Variants in PTPRM observed in about 807,000 individuals in gnomAD.
PTPRM encodes the protein protein tyrosine phosphatase receptor type M, also known as receptor-type tyrosine-protein phosphatase mu.
Under a neutral mutation model 186.7 loss-of-function variants are expected in PTPRM, and 47 were observed. The ratio of observed to expected loss-of-function variants is 0.25; its 90% CI spans 0.20 to 0.32. PTPRM has a LOEUF of 0.32. PTPRM is among the 10% of genes least tolerant of loss of function. PTPRM has a pLI of 1.00. For synonymous variants in PTPRM, 668 were observed against 674.9 expected, an observed-to-expected ratio of 0.99 and a Z score of 0.16; for missense variants, 1,494 against 1,865.0, an observed-to-expected ratio of 0.80 and a Z score of 3.66.
intron 1 of PTPRM, among the ~76,000 whole-genome samples, chr18:7,710,598 G>A (rs2040191210): frequency 6.6e-6 from 1 of 152,180 alleles, no homozygotes; most frequent in Non-Finnish European, 1.5e-5. Flanking sequence ...AAAAGAGGAA[G>A]CCAAACTGCC....
intron 1 of PTPRM, among the ~76,000 whole-genome samples, chr18:7,769,194 TGTATCTTCTTG>T (rs1425351971): frequency 6.6e-6 from 1 of 152,130 alleles, no homozygotes; most frequent in Non-Finnish European, 1.5e-5. Flanking sequence ...AGGGTAGTTG[TGTATCTTCTTG>T]GTCTCCAGTT....
At chr18:8,232,298 G>A (rs1430424724) in intron 14 of PTPRM, among the ~76,000 whole-genome samples, 1 of 152,150 alleles carries the variant, frequency 6.6e-6, no homozygotes, top group Non-Finnish European at 1.5e-5. Context: ...TTATTCCTTT[G>A]TAACACTGAA....
intron 14 of PTPRM, among the ~76,000 whole-genome samples, chr18:8,157,485 G>A (rs117971791): frequency 2.6e-5 from 4 of 152,278 alleles, no homozygotes; most frequent in Non-Finnish European, 5.9e-5. Flanking sequence ...AGAAACACAC[G>A]GGATGGGTCT....
chr18:8,319,117 C>A (rs374151673), intron 21 of PTPRM, 61 bp from the exon 22 acceptor site: 40 of 1,165,634 alleles, frequency 3.4e-5, no homozygotes, highest in Non-Finnish European at 4.6e-5. Flanking sequence ...AGTTAGCATG[C>A]GACTTATCTG....
chr18:8,087,174 A>G (rs2145298318), intron 10 of PTPRM, among the ~76,000 whole-genome samples: 1 of 152,300 alleles, frequency 6.6e-6, no homozygotes, highest in Non-Finnish European at 1.5e-5. Flanking sequence ...ATGGGGATTT[A>G]AAGATGAAAT....
intron 20 of PTPRM, among the ~76,000 whole-genome samples, chr18:8,301,014 A>G (rs973980810): frequency 1.3e-5 from 2 of 152,142 alleles, no homozygotes; most frequent in Non-Finnish European, 2.9e-5. Flanking sequence ...CCCTGCCTAA[A>G]AATTATGTAA....
intron 14 of PTPRM, among the ~76,000 whole-genome samples, chr18:8,207,044 G>A (rs2093941011): frequency 6.6e-6 from 1 of 152,150 alleles, no homozygotes; most frequent in Admixed American, 6.5e-5. Flanking sequence ...CCAGCATCTG[G>A]ATTTGGGATT....
chr18:7,840,788 A>T (rs939061006), intron 2 of PTPRM, among the ~76,000 whole-genome samples: 1 of 152,234 alleles, frequency 6.6e-6, no homozygotes, highest in Admixed American at 6.5e-5. Context: ...GTTTTGTTAT[A>T]ACTTCAGAAG....
chr18:7,695,344 G>A (rs1400261682), intron 1 of PTPRM, among the ~76,000 whole-genome samples: 1 of 152,160 alleles, frequency 6.6e-6, no homozygotes, highest in African/African-American at 2.4e-5. Context: ...GCAGCGTATG[G>A]TTTGGGTTTC....
At chr18:8,174,332 ATTAAGGACAG>A in intron 14 of PTPRM, among the ~76,000 whole-genome samples, 1 of 152,312 alleles carries the variant, frequency 6.6e-6, no homozygotes, top group Non-Finnish European at 1.5e-5. Flanking sequence ...TCTAGGAATA[ATTAAGGACAG>A]TTTACAGCTT....
At chr18:8,123,199 G>A (rs644183) in intron 13 of PTPRM, among the ~76,000 whole-genome samples, 100,736 of 152,104 alleles carry the variant, frequency 0.66, 35,706 homozygotes, top group East Asian at 0.89. Flanking sequence ...TGATTACCTG[G>A]GCAGGACTCA....
chr18:8,243,596 C>A (rs1285711469), intron 14 of PTPRM, among the ~76,000 whole-genome samples: 1 of 152,096 alleles, frequency 6.6e-6, no homozygotes, highest in Non-Finnish European at 1.5e-5. Flanking sequence ...TAACAATGTG[C>A]CTTTTAGATT....
Position 7,960,450 on chromosome 18 carries a change from C to CATAT in PTPRM, c.1132+5064_1132+5067dup, listed in dbSNP as rs71354579. ...CTGGAGGAAGGGAGTATATAGGCAA[C>CATAT]ATATATATATATATATATATATATA... On this transcript the variant is annotated intron_variant, in intron 7 of 32. Coordinates refer to ENST00000580170, the MANE Select transcript of PTPRM (RefSeq NM_001105244.2). 2.4e-3 allele frequency among the ~76,000 whole-genome samples: 293 copies of CATAT among 120,540 alleles called. 1 individual carries two copies. Among genetic ancestry groups the CATAT allele is most frequent in the Middle Eastern group, 4.3e-3 (1 of 234 alleles). 79.1% of individuals were successfully genotyped at this position (120,540 alleles called of 152,430 possible).
chr18:7,809,540 G>A (rs946245186), intron 2 of PTPRM, among the ~76,000 whole-genome samples: 15 of 152,054 alleles, frequency 9.9e-5, no homozygotes, highest in African/African-American at 3.1e-4. Context: ...GCAGGGGAGG[G>A]GATAACTCTG....
At chr18:8,289,842 T>C (rs979658035) in intron 19 of PTPRM, among the ~76,000 whole-genome samples, 4 of 152,068 alleles carry the variant, frequency 2.6e-5, no homozygotes, top group African/African-American at 9.7e-5. Flanking sequence ...AAAAGATCAG[T>C]GAATGTTCAC....
At chr18:7,860,762 C>G (rs2047339556) in intron 2 of PTPRM, among the ~76,000 whole-genome samples, 1 of 152,170 alleles carries the variant, frequency 6.6e-6, no homozygotes, top group Non-Finnish European at 1.5e-5. Flanking sequence ...AGGTAAAGAT[C>G]CATGATTTGC....
intron 8 of PTPRM, among the ~76,000 whole-genome samples, chr18:8,074,340 T>C (rs1272742426): frequency 2.6e-5 from 4 of 152,234 alleles, no homozygotes; most frequent in Non-Finnish European, 5.9e-5. Flanking sequence ...TTTTTGGCTA[T>C]TATGAATAAT....
chr18:8,085,883 T>C lies in PTPRM; in HGVS notation c.1753+11T>C, dbSNP rs901503637. On this transcript the variant is annotated intron_variant, in intron 10 of 32. Coordinates refer to ENST00000580170, the MANE Select transcript of PTPRM (RefSeq NM_001105244.2). ...CCACCAAAATATCAGGTACTCTACA[T>C]TCGTGAGTTGTGTCTTTTATCAGAA... The C allele has an allele frequency of 6.2e-7, 1 of 1,607,032 alleles. No homozygotes were observed. Among genetic ancestry groups the C allele is most frequent in the Admixed American group, 1.7e-5 (1 of 59,900 alleles).
intron 19 of PTPRM, among the ~76,000 whole-genome samples, chr18:8,256,261 C>T (rs2147433171): frequency 6.6e-6 from 1 of 152,246 alleles, no homozygotes; most frequent in East Asian, 1.9e-4. Context: ...TGGTTTGGAA[C>T]ACAGGCTCTG....
Sources: gnomAD v4.1 joint callset for allele counts (sites outside exome capture counted in the v4.1 genomes callset) on GRCh38, gnomAD v4.1.1 for gene constraint, MANE v1.5 for transcripts, NCBI Gene and HGNC (gene_info 2026-07-23, HGNC 2026-07-21) for gene names.